The following ST6GALNAC3 variants were observed in gnomAD, a reference collection of about 807,000 sequenced individuals.
The protein encoded by ST6GALNAC3 is ST6 N-acetylgalactosaminide alpha-2,6-sialyltransferase 3, also known as alpha-N-acetylgalactosaminide alpha-2,6-sialyltransferase 3.
A neutral mutation model predicts 32.7 loss-of-function variants in ST6GALNAC3; 25 were observed. The ratio of observed to expected loss-of-function variants is 0.76; its 90% CI spans 0.56 to 1.07. The LOEUF is 1.07. Among genes scored for constraint, ST6GALNAC3 ranks in the 50% least tolerant of loss-of-function variants. The pLI is 0.00. For missense variants in ST6GALNAC3, 355 were observed against 382.4 expected, an observed-to-expected ratio of 0.93 and a Z score of 0.60; for synonymous variants, 129 against 133.1, an observed-to-expected ratio of 0.97 and a Z score of 0.21.
rs979888262 is a variant in ST6GALNAC3 at position 76,631,067 on chromosome 1, C to T, written c.*2261C>T. ...TGAAAACTTGCTTGCTCTCCTGCCT[C>T]GTTGTAGCTTTCTCTGATGAAGACT... On this transcript the variant is annotated 3_prime_UTR_variant, in exon 5 of 5. Coordinates refer to ENST00000328299, the MANE Select transcript of ST6GALNAC3 (RefSeq NM_152996.4). 3.1e-6 allele frequency: 3 copies of T among 977,380 alleles called. No homozygotes were observed. The highest frequency in any genetic ancestry group is 1.8e-5 in the African/African-American group (1 of 56,988). The allele number at this position is 977,380 out of a possible 1,614,324, so 60.5% of individuals were successfully genotyped here.
chr1:76,234,410 C>T (rs535207434), intron 1 of ST6GALNAC3, among the ~76,000 whole-genome samples: 1 of 152,310 alleles, frequency 6.6e-6, no homozygotes, highest in South Asian at 2.1e-4. Context: ...AGACATTTCT[C>T]AAAGGACTGA....
chr1:76,133,759 T>C (rs1434649549), intron 1 of ST6GALNAC3, among the ~76,000 whole-genome samples: 5 of 152,200 alleles, frequency 3.3e-5, no homozygotes, highest in African/African-American at 1.2e-4. Flanking sequence ...AGAGCATATA[T>C]TGTTGACTTC....
chr1:76,180,981 G>T (rs1264187614), intron 1 of ST6GALNAC3, among the ~76,000 whole-genome samples: 1 of 152,258 alleles, frequency 6.6e-6, no homozygotes, highest in East Asian at 1.9e-4. Context: ...TGACACTTAA[G>T]CCATGCGTGG....
At chr1:76,304,472 T>C (rs746260244) in intron 1 of ST6GALNAC3, among the ~76,000 whole-genome samples, 4 of 151,342 alleles carry the variant, frequency 2.6e-5, no homozygotes, top group Non-Finnish European at 5.9e-5. Flanking sequence ...GCAAGTTATA[T>C]TGGAACTTGC....
At chr1:76,276,352 T>G (rs1659134325) in intron 1 of ST6GALNAC3, among the ~76,000 whole-genome samples, 1 of 152,174 alleles carries the variant, frequency 6.6e-6, no homozygotes. Flanking sequence ...TTACCCTTTA[T>G]GTATACAATC....
At chr1:76,232,575 C>T (rs1479197910) in intron 1 of ST6GALNAC3, among the ~76,000 whole-genome samples, 1 of 152,224 alleles carries the variant, frequency 6.6e-6, no homozygotes, top group African/African-American at 2.4e-5. Context: ...TGCAATTCAT[C>T]TGACCGGAGA....
intron 2 of ST6GALNAC3, among the ~76,000 whole-genome samples, chr1:76,411,743 A>G (rs1654251695): frequency 6.6e-6 from 1 of 152,068 alleles, no homozygotes. Flanking sequence ...ACAAATAACT[A>G]TTTTTTGCCT....
chr1:76,612,780 A>G (rs146764751), intron 3 of ST6GALNAC3, among the ~76,000 whole-genome samples: 42 of 152,098 alleles, frequency 2.8e-4, no homozygotes, highest in African/African-American at 9.6e-4. Context: ...CCTGAGGTGA[A>G]TGGCAGCTGC....
chr1:76,241,530 TCTC>T (rs912086126), intron 1 of ST6GALNAC3, among the ~76,000 whole-genome samples: 2 of 152,120 alleles, frequency 1.3e-5, no homozygotes, highest in Admixed American at 1.3e-4. Flanking sequence ...CATGAGGGAT[TCTC>T]CTCCATGACC....
At chr1:76,434,380 A>T (rs967758336) in intron 3 of ST6GALNAC3, among the ~76,000 whole-genome samples, 3 of 152,216 alleles carry the variant, frequency 2.0e-5, no homozygotes, top group African/African-American at 7.2e-5. Context: ...AGGCTAACTA[A>T]ATATAAGCCC....
intron 2 of ST6GALNAC3, among the ~76,000 whole-genome samples, chr1:76,394,105 G>C (rs1652767220): frequency 6.6e-6 from 1 of 152,140 alleles, no homozygotes; most frequent in Non-Finnish European, 1.5e-5. Flanking sequence ...GGATAGATAG[G>C]GAGGCTGCTC....
chr1:76,557,190 A>G (rs1240568319), intron 3 of ST6GALNAC3, among the ~76,000 whole-genome samples: 1 of 152,030 alleles, frequency 6.6e-6, no homozygotes, highest in Non-Finnish European at 1.5e-5. Flanking sequence ...GATCATAGAT[A>G]TATATTCTTA....
intron 3 of ST6GALNAC3, among the ~76,000 whole-genome samples, chr1:76,516,310 A>G (rs993616364): frequency 6.6e-6 from 1 of 152,284 alleles, no homozygotes; most frequent in South Asian, 2.1e-4. Context: ...GTGTGTATAC[A>G]TATATTATAC....
rs376750316 is a variant in ST6GALNAC3, at chr1:76,458,929, TA to T, written c.623+46522del. Among the ~76,000 whole-genome samples, 193 of 148,958 alleles carry T rather than the reference TA, an allele frequency of 1.3e-3. 2 individuals are homozygous for T. Among genetic ancestry groups the T allele is most frequent in the Middle Eastern group, 6.9e-3 (2 of 290 alleles). On this transcript the variant is annotated intron_variant, in intron 3 of 4. Transcript: ENST00000328299. ...AAAGAAAAAAGGAAAAATAATCTTG[TA>T]AAAAAAAAAGTTCACATGAATCTTG...
At chr1:76,469,038 T>A (rs151295795) in intron 3 of ST6GALNAC3, among the ~76,000 whole-genome samples, 2 of 152,182 alleles carry the variant, frequency 1.3e-5, no homozygotes, top group African/African-American at 2.4e-5. Flanking sequence ...ATCAATTGAT[T>A]ATTATAATAT....
At chr1:76,576,186 A>G (rs922228922) in intron 3 of ST6GALNAC3, among the ~76,000 whole-genome samples, 9 of 152,050 alleles carry the variant, frequency 5.9e-5, no homozygotes, top group African/African-American at 2.2e-4. Flanking sequence ...GATACAGAAG[A>G]AAACAGGATG....
chr1:76,146,158 C>T (rs796274521), intron 1 of ST6GALNAC3, among the ~76,000 whole-genome samples: 10 of 152,192 alleles, frequency 6.6e-5, no homozygotes, highest in South Asian at 2.1e-4. Context: ...CTGTTCTTTA[C>T]GTTCCCAGAC....
rs1571093968 is a variant in ST6GALNAC3 at position 76,078,601 on chromosome 1, A to G, written c.18+3717A>G. ...TCAGTTTCCAAAATGGGAATCATGC[A>G]TTCCTCAATGGGTTATTCTAAAGGT... On this transcript the variant is annotated intron_variant, in intron 1 of 4. Coordinates refer to ENST00000328299, the MANE Select transcript of ST6GALNAC3 (RefSeq NM_152996.4). 3.9e-5 allele frequency among the ~76,000 whole-genome samples: 6 copies of G among 152,312 alleles called. 1 individual carries two copies. Among genetic ancestry groups the G allele is most frequent in the Admixed American group, 3.9e-4 (6 of 15,290 alleles).
intron 1 of ST6GALNAC3, among the ~76,000 whole-genome samples, chr1:76,226,246 C>T (rs1419885972): frequency 6.6e-6 from 1 of 152,170 alleles, no homozygotes; most frequent in Non-Finnish European, 1.5e-5. Context: ...AAGAGAATTT[C>T]CTTTGACTAT....
Sources: allele counts gnomAD v4.1 joint callset (sites outside exome capture counted in the v4.1 genomes callset), GRCh38; gene constraint gnomAD v4.1.1; transcripts MANE v1.5; gene names NCBI Gene and HGNC (gene_info 2026-07-23, HGNC 2026-07-21).